EIF2B3: variants seen among roughly 807,000 people sequenced by gnomAD.
EIF2B3 encodes the protein eukaryotic translation initiation factor 2B subunit gamma.
In EIF2B3, 20 loss-of-function variants were observed where a neutral mutation model predicts 54.1. The observed-to-expected ratio is 0.37, with a 90% CI of 0.26 to 0.54. EIF2B3 has a LOEUF of 0.54. Ranked by LOEUF, EIF2B3 falls within the 20% of genes least tolerant of loss-of-function variation. The pLI is 0.86. For synonymous variants in EIF2B3, 153 were observed against 188.1 expected, an observed-to-expected ratio of 0.81 and a Z score of 1.52; for missense variants, 448 against 547.8, an observed-to-expected ratio of 0.82 and a Z score of 1.82.
chr1:44,917,410 T>C (rs1029516807), intron 5 of EIF2B3, among the ~76,000 whole-genome samples: 1 of 151,584 alleles, frequency 6.6e-6, no homozygotes, highest in African/African-American at 2.4e-5. Context: ...GGAGAATATC[T>C]TGAACCCGGG....
chr1:44,949,717 A>C (rs1557700428), intron 3 of EIF2B3, among the ~76,000 whole-genome samples: 1 of 152,206 alleles, frequency 6.6e-6, no homozygotes, highest in African/African-American at 2.4e-5. Flanking sequence ...AGAAGTCAAA[A>C]GCAGCTGTCC....
intron 10 of EIF2B3, among the ~76,000 whole-genome samples, chr1:44,869,259 C>T (rs1015299077): frequency 2.0e-5 from 3 of 152,126 alleles, no homozygotes; most frequent in Non-Finnish European, 4.4e-5. Flanking sequence ...AGGCAGATCA[C>T]TTGAGGTCAG....
chr1:44,961,208 G>A (rs1382079240), intron 3 of EIF2B3, among the ~76,000 whole-genome samples: 1 of 150,594 alleles, frequency 6.6e-6, no homozygotes, highest in Non-Finnish European at 1.5e-5. Context: ...GAGTGGTGGT[G>A]AGTACCTCTA....
intron 11 of EIF2B3, among the ~76,000 whole-genome samples, chr1:44,854,282 C>A (rs970666570): frequency 1.3e-5 from 2 of 151,994 alleles, no homozygotes; most frequent in African/African-American, 4.8e-5. Context: ...GGATTACAGG[C>A]GTGAGCTACA....
At position 44,874,769 on chromosome 1, in the gene EIF2B3, T is replaced by A; in HGVS notation, c.1111A>T (p.Lys371Ter). ...CAGGATGAGCCAATGACTGAGCGCT[T>A]AATGGATGACTTCTCTCCAATCTGT... The part of the protein sequence containing the change: ...ETQIGEKSSI[K>*]RSVIGSSCLI... Residue 371 changes from lysine (K) to a stop codon, truncating the protein, a stop_gained, in exon 10 of 12, where the codon AAG becomes TAG. Transcript: ENST00000360403. LOFTEE classifies it high-confidence loss of function. The A allele has an allele frequency of 6.2e-7, 1 of 1,614,106 alleles. No individual in the cohort carries two copies. Among genetic ancestry groups the A allele is most frequent in the Non-Finnish European group, 8.5e-7 (1 of 1,180,022 alleles).
In EIF2B3 at chr1:44,941,622, G is replaced by A. The variant is rs373262348; in HGVS notation, c.338C>T (p.Ala113Val). 6 of 1,613,930 alleles carry A rather than the reference G, an allele frequency of 3.7e-6. No individual in the cohort carries two copies. In the African/African-American group the frequency reaches 5.3e-5, roughly 14 times the overall value. ...AAACAGGTCCACAACCTCATGTAAG[G>A]CAACGTCTGTTATCAGATCACAGCT... ...VLSCDLITDV[A>V]LHEVVDLFRA... The change falls in exon 4 of 12, where the codon GCC becomes GTC. Residue 113 changes from alanine (A) to valine (V), a missense_variant. By Grantham distance (64) the Ala-to-Val change is moderately conservative (BLOSUM62 0). Around this residue, in one of 3 missense-constraint regions of EIF2B3, gnomAD observed 350 missense variants for 414.2 expected, o/e 0.85. Coordinates refer to ENST00000360403, the MANE Select transcript of EIF2B3 (RefSeq NM_020365.5).
At chr1:44,930,533 G>C (rs1386165281) in intron 4 of EIF2B3, among the ~76,000 whole-genome samples, 1 of 152,326 alleles carries the variant, frequency 6.6e-6, no homozygotes, top group African/African-American at 2.4e-5. Flanking sequence ...GTCATGCTTA[G>C]AACCTGCTGC....
chr1:44,943,009 C>T (rs1644054290), intron 3 of EIF2B3, among the ~76,000 whole-genome samples: 1 of 151,942 alleles, frequency 6.6e-6, no homozygotes, highest in Non-Finnish European at 1.5e-5. Flanking sequence ...GCGCCCGCCA[C>T]CACGCCCGGC....
intron 10 of EIF2B3, among the ~76,000 whole-genome samples, chr1:44,861,674 A>G (rs1208091680): frequency 6.6e-6 from 1 of 152,166 alleles, no homozygotes; most frequent in Non-Finnish European, 1.5e-5. Flanking sequence ...TGTCTCATCC[A>G]GTTGATGTGT....
At chr1:44,971,962 G>A (rs1156464682) in intron 3 of EIF2B3, among the ~76,000 whole-genome samples, 2 of 152,122 alleles carry the variant, frequency 1.3e-5, no homozygotes, top group Admixed American at 1.3e-4. Flanking sequence ...GAACCTGGGA[G>A]GAAAGGTTGC....
intron 6 of EIF2B3, among the ~76,000 whole-genome samples, chr1:44,889,903 C>T (rs1199006069): frequency 6.6e-6 from 1 of 152,234 alleles, no homozygotes; most frequent in Non-Finnish European, 1.5e-5. Flanking sequence ...GGAGATGTCA[C>T]AGACCCTGTT....
At chr1:44,898,888 C>T (rs1231640822) in intron 5 of EIF2B3, among the ~76,000 whole-genome samples, 1 of 152,086 alleles carries the variant, frequency 6.6e-6, no homozygotes, top group Admixed American at 6.6e-5. Context: ...GACAAGGTCT[C>T]GCTATGTTGC....
At chr1:44,866,754 CA>C (rs1381045032) in intron 10 of EIF2B3, among the ~76,000 whole-genome samples, 1 of 152,170 alleles carries the variant, frequency 6.6e-6, no homozygotes, top group African/African-American at 2.4e-5. Flanking sequence ...GGGGTTTCAC[CA>C]TGTTGGCCAG....
At chr1:44,859,029 T>G (rs1654527312) in intron 10 of EIF2B3, among the ~76,000 whole-genome samples, 1 of 152,200 alleles carries the variant, frequency 6.6e-6, no homozygotes, top group African/African-American at 2.4e-5. Flanking sequence ...CCACGTGTGG[T>G]GGCTCACCCC....
At chr1:44,862,390 G>A (rs1654636644) in intron 10 of EIF2B3, among the ~76,000 whole-genome samples, 1 of 152,140 alleles carries the variant, frequency 6.6e-6, no homozygotes, top group South Asian at 2.1e-4. Flanking sequence ...GAGGCCATGA[G>A]AAAAACAGAG....
At chr1:44,929,051 G>A (rs574570217) in intron 4 of EIF2B3, among the ~76,000 whole-genome samples, 157 of 152,234 alleles carry the variant, frequency 1.0e-3, no homozygotes, top group African/African-American at 3.5e-3. Context: ...TTATTATGCA[G>A]AATAAGTGAA....
At chr1:44,940,837 T>C (rs2148941182) in intron 4 of EIF2B3, 1 of 152,418 alleles carries the variant, frequency 6.6e-6, no homozygotes, top group African/African-American at 2.4e-5. Context: ...TTAGGGTGAC[T>C]GAAGCATTGA....
intron 10 of EIF2B3, 164 bp downstream of exon 10, chr1:44,874,514 A>G: frequency 1.4e-6 from 1 of 716,314 alleles, no homozygotes; most frequent in Non-Finnish European, 2.2e-6. Flanking sequence ...TTTCCTAGTA[A>G]AGTTTTTGAG....
Position 44,941,683 on chromosome 1 carries a change from GA to G in EIF2B3, c.295-19del. 6.2e-7 allele frequency: 1 copy of G among 1,614,024 alleles called. No homozygotes were observed. Among genetic ancestry groups the G allele is most frequent in the South Asian group, 1.1e-5 (1 of 91,056 alleles). ...ACATCTGTCTGTTAAATGGAGATGG[GA>G]AAAGTCAATATCATAAAGGACAATG... On this transcript the variant is annotated intron_variant, in intron 3 of 11. Transcript: ENST00000360403.
Sources: gnomAD v4.1 joint callset for allele counts (sites outside exome capture counted in the v4.1 genomes callset) on GRCh38, gnomAD v4.1.1 for gene constraint, gnomAD v4.1.1 regional missense constraint, MANE v1.5 for transcripts, NCBI Gene and HGNC (gene_info 2026-07-23, HGNC 2026-07-21) for gene names.